The following DSCAM variants were observed in gnomAD, a reference collection of about 807,000 sequenced individuals.
DSCAM encodes cell adhesion molecule DSCAM.
Under a neutral mutation model 217.7 loss-of-function variants are expected in DSCAM, and 47 were observed. The ratio of observed to expected loss-of-function variants is 0.22; its 90% CI spans 0.17 to 0.28. The LOEUF is 0.28. Ranked by LOEUF, DSCAM falls within the 10% of genes least tolerant of loss-of-function variation. The probability of loss-of-function intolerance (pLI) is 1.00; values close to 1 mark genes in which losing one functional copy is unlikely to be tolerated. For missense variants in DSCAM, 2,080 were observed against 2,618.3 expected, an observed-to-expected ratio of 0.79 and a Z score of 4.49; for synonymous variants, 1,056 against 1,015.3, an observed-to-expected ratio of 1.04 and a Z score of -0.76.
At chr21:40,050,021 A>T (rs1414165850) in intron 30 of DSCAM, among the ~76,000 whole-genome samples, 1 of 152,186 alleles carries the variant, frequency 6.6e-6, no homozygotes, top group African/African-American at 2.4e-5. Context: ...GGAAGAACTG[A>T]TGTGCCGGAG....
At chr21:40,049,442 G>A (rs2088893273) in intron 30 of DSCAM, among the ~76,000 whole-genome samples, 1 of 152,064 alleles carries the variant, frequency 6.6e-6, no homozygotes, top group Non-Finnish European at 1.5e-5. Context: ...GAATGACTTG[G>A]ACCCAAGAGA....
intron 18 of DSCAM, among the ~76,000 whole-genome samples, chr21:40,139,227 T>A (rs2090258054): frequency 6.6e-6 from 1 of 151,684 alleles, no homozygotes; most frequent in Admixed American, 6.6e-5. Flanking sequence ...TTAGAAAGTT[T>A]ATTTTGCGAA....
rs1303576073 is a variant in DSCAM at position 40,847,101 on chromosome 21, C to T, written c.-440G>A. On this transcript the variant is annotated 5_prime_UTR_variant, in exon 1 of 33. Transcript: ENST00000400454. ...CGGGCAGGCTCATCTTTGCCGTGCT[C>T]CGGCCTCAGTCACATGGATCCCTCT... is the stretch of plus-strand genomic sequence containing the variant. 6.6e-6 allele frequency: 1 copy of T among 152,326 alleles called. No homozygotes were observed. Among genetic ancestry groups the T allele is most frequent in the Non-Finnish European group, 1.5e-5 (1 of 68,128 alleles). 9.4% of individuals were successfully genotyped at this position (152,326 alleles called of 1,614,324 possible).
At chr21:40,518,508 TAA>T (rs2076329955) in intron 3 of DSCAM, among the ~76,000 whole-genome samples, 1 of 14,330 alleles carries the variant, frequency 7.0e-5, no homozygotes, top group African/African-American at 6.0e-4. Context: ...ATTATATATA[TAA>T]TATATATAAT....
chr21:40,587,094 C>CA (rs11437220), intron 3 of DSCAM, among the ~76,000 whole-genome samples: 70,009 of 151,786 alleles, frequency 0.46, 16,771 homozygotes, highest in Admixed American at 0.55. Flanking sequence ...AACAAACATA[C>CA]AAAAAAGGCT....
chr21:40,532,868 CTGTGTG>C (rs58575678), intron 3 of DSCAM, among the ~76,000 whole-genome samples: 8,165 of 145,898 alleles, frequency 0.056, 258 homozygotes, highest in South Asian at 0.078. Flanking sequence ...CCACAAGGCT[CTGTGTG>C]TGTGTGTGTG....
intron 3 of DSCAM, among the ~76,000 whole-genome samples, chr21:40,433,377 C>A (rs1240525748): frequency 6.7e-6 from 1 of 150,058 alleles, no homozygotes; most frequent in African/African-American, 2.5e-5. Context: ...AGAGCACCTG[C>A]AGCAGGCAGG....
chr21:40,049,516 C>CTTT (rs2088894723), intron 30 of DSCAM, among the ~76,000 whole-genome samples: 1 of 151,242 alleles, frequency 6.6e-6, no homozygotes, highest in Non-Finnish European at 1.5e-5. Flanking sequence ...CTGTCTAGGA[C>CTTT]TTACTGAGAA....
At chr21:40,221,159 A>G (rs1476069439) in intron 11 of DSCAM, among the ~76,000 whole-genome samples, 1 of 152,052 alleles carries the variant, frequency 6.6e-6, no homozygotes, top group Non-Finnish European at 1.5e-5. Flanking sequence ...CAGGATGAAA[A>G]AGAGTTGAGA....
At chr21:40,057,938 C>T (rs1478823319) in intron 28 of DSCAM, among the ~76,000 whole-genome samples, 5 of 137,596 alleles carry the variant, frequency 3.6e-5, no homozygotes, top group African/African-American at 5.5e-5. Context: ...TGCAGTGGCG[C>T]GATCTCAGCT....
intron 15 of DSCAM, among the ~76,000 whole-genome samples, chr21:40,175,760 A>T (rs1440779563): frequency 7.2e-6 from 1 of 139,298 alleles, no homozygotes; most frequent in South Asian, 2.3e-4. Flanking sequence ...AATCCAGCAT[A>T]TATTTTCTCA....
chr21:40,812,595 G>T (rs1336780035), intron 1 of DSCAM, among the ~76,000 whole-genome samples: 3 of 152,188 alleles, frequency 2.0e-5, no homozygotes, highest in Non-Finnish European at 4.4e-5. Context: ...GATGGAACTT[G>T]GTTAGGATTA....
intron 20 of DSCAM, among the ~76,000 whole-genome samples, chr21:40,104,230 C>T (rs2089789744): frequency 6.6e-6 from 1 of 152,094 alleles, no homozygotes; most frequent in Non-Finnish European, 1.5e-5. Flanking sequence ...ACCTATTCAA[C>T]AAATTCTGTA....
In DSCAM at chr21:40,479,763, C is replaced by G. The variant is rs537778541; in HGVS notation, c.509-110518G>C. ...AGATTTGGGTGGGGACACAGCCAGACCATATCACATGGGATTCTCCACATG... is the reference window on the plus strand; with the variant it reads ...AGATTTGGGTGGGGACACAGCCAGAGCATATCACATGGGATTCTCCACATG... On this transcript the variant is annotated intron_variant, in intron 3 of 32. Coordinates refer to ENST00000400454, the MANE Select transcript of DSCAM (RefSeq NM_001389.5). Among the ~76,000 whole-genome samples the G allele has an allele frequency of 2.0e-5, 3 of 152,198 alleles. No individual in the cohort carries two copies. The East Asian group carries it at 5.8e-4, about 29-fold the overall frequency.
chr21:40,096,247 C>T (rs532797331), intron 20 of DSCAM, among the ~76,000 whole-genome samples: 3 of 152,228 alleles, frequency 2.0e-5, no homozygotes, highest in Non-Finnish European at 2.9e-5. Flanking sequence ...TGAGTTGTCC[C>T]GCCTTTGCTT....
At chr21:40,701,968 G>A (rs776138855) in intron 2 of DSCAM, among the ~76,000 whole-genome samples, 13 of 152,006 alleles carry the variant, frequency 8.6e-5, no homozygotes, top group East Asian at 3.9e-4. Flanking sequence ...TGTCATTCAC[G>A]TGTTTTTTTG....
At chr21:40,650,630 G>A (rs1307704186) in intron 3 of DSCAM, among the ~76,000 whole-genome samples, 3 of 152,204 alleles carry the variant, frequency 2.0e-5, no homozygotes, top group East Asian at 3.9e-4. Context: ...TAAAGAAGTG[G>A]GGAGGCTGGG....
At chr21:40,248,383 C>G (rs2073256314) in intron 11 of DSCAM, among the ~76,000 whole-genome samples, 1 of 152,204 alleles carries the variant, frequency 6.6e-6, no homozygotes, top group Non-Finnish European at 1.5e-5. Flanking sequence ...CCCAAGTCAT[C>G]TTTTGAATGC....
intron 3 of DSCAM, among the ~76,000 whole-genome samples, chr21:40,649,620 A>G (rs1226700264): frequency 1.3e-5 from 2 of 149,216 alleles, no homozygotes; most frequent in Non-Finnish European, 3.0e-5. Context: ...CACACAAACA[A>G]TAATATGCAG....
Sources: gnomAD v4.1 joint callset for allele counts (sites outside exome capture counted in the v4.1 genomes callset) on GRCh38, gnomAD v4.1.1 for gene constraint, MANE v1.5 for transcripts, NCBI Gene and HGNC (gene_info 2026-07-23, HGNC 2026-07-21) for gene names.